Variants in GSK3B observed in about 807,000 individuals in gnomAD.
GSK3B encodes glycogen synthase kinase-3 beta.
In GSK3B, 15 loss-of-function variants were observed where a neutral mutation model predicts 56.4. The ratio of observed to expected loss-of-function variants is 0.27; its 90% confidence interval spans 0.18 to 0.41. GSK3B has a LOEUF of 0.41. Among genes scored for constraint, GSK3B ranks in the 10% least tolerant of loss-of-function variants. The pLI, the probability that GSK3B is intolerant of heterozygous loss-of-function variation, is 1.00. For synonymous variants in GSK3B, 181 were observed against 188.9 expected, an observed-to-expected ratio of 0.96 and a Z score of 0.34; for missense variants, 300 against 513.4, an observed-to-expected ratio of 0.58 and a Z score of 4.02.
chr3:119,863,199 T>C (rs1316807481), intron 9 of GSK3B, among the ~76,000 whole-genome samples: 2 of 152,206 alleles, frequency 1.3e-5, no homozygotes, highest in Non-Finnish European at 2.9e-5. Flanking sequence ...CTGCTAAAAA[T>C]TAAAGAAGCT....
chr3:119,879,772 G>A (rs189133186), intron 7 of GSK3B, among the ~76,000 whole-genome samples: 3 of 152,192 alleles, frequency 2.0e-5, no homozygotes, highest in Admixed American at 2.0e-4. Context: ...TTAACACAAC[G>A]ACTTCCGGTG....
chr3:119,863,438 G>A lies in GSK3B; in HGVS notation c.1077C>T (p.Leu359=), dbSNP rs746500971. 4 of 1,613,652 alleles carry A rather than the reference G, an allele frequency of 2.5e-6. No homozygotes were observed. Among genetic ancestry groups the A allele is most frequent in the Non-Finnish European group, 3.4e-6 (4 of 1,179,702 alleles). ...KLPNGRDTPA[L]FNFTTQELSS... is the part of the protein sequence containing the mutation. ...AGTTACCTTGAGTGGTGAAGTTGAA[G>A]AGTGCAGGTGTGTCTCGCCCATTTG... The change falls in exon 9 of 11, where the codon CTC becomes CTT. Residue 359 remains leucine, a synonymous_variant. Coordinates refer to ENST00000264235, the MANE Select transcript of GSK3B (RefSeq NM_001146156.2).
At position 120,079,305 on chromosome 3, in the gene GSK3B, T is replaced by TACACAC. The variant is rs61338597; in HGVS notation, c.88+14036_88+14041dup. Reference sequence around the variant, plus strand: ...ATTTTCTACAACCTTGACAGGAAATTACACACACACACACACACACACACA... The same window carrying TACACAC: ...ATTTTCTACAACCTTGACAGGAAATTACACACACACACACACACACACACACACACA... On this transcript the variant is annotated intron_variant, in intron 1 of 10. Transcript: ENST00000264235. Among the ~76,000 whole-genome samples the TACACAC allele has an allele frequency of 3.7e-4, 48 of 128,482 alleles. No individual in the cohort carries two copies. In the East Asian group the frequency reaches 4.9e-3, roughly 13 times the overall value. The allele number at this position is 128,482 out of a possible 152,430, so 84.3% of individuals were successfully genotyped here.
intron 1 of GSK3B, among the ~76,000 whole-genome samples, chr3:120,044,768 C>CT (rs2058089782): frequency 6.6e-6 from 1 of 152,164 alleles, no homozygotes; most frequent in Non-Finnish European, 1.5e-5. Context: ...GCAAGAATGG[C>CT]TTGGAAAAAC....
At chr3:120,048,144 ATAAGG>A (rs1348290352) in intron 1 of GSK3B, among the ~76,000 whole-genome samples, 1 of 152,250 alleles carries the variant, frequency 6.6e-6, no homozygotes, top group East Asian at 1.9e-4. Flanking sequence ...CTGGCTACAG[ATAAGG>A]TAAAAGAAAA....
intron 2 of GSK3B, among the ~76,000 whole-genome samples, chr3:119,995,152 ACT>A (rs2057602348): frequency 6.7e-6 from 1 of 149,370 alleles, no homozygotes; most frequent in African/African-American, 2.5e-5. Context: ...ACAGGGAGAC[ACT>A]GTCTCTACAA....
intron 1 of GSK3B, among the ~76,000 whole-genome samples, chr3:120,074,035 C>T (rs334533): frequency 0.53 from 80,246 of 152,048 alleles, 24,642 homozygotes; most frequent in African/African-American, 0.86. Context: ...CCAGGTGCCG[C>T]TGCTCACGAC....
chr3:119,944,036 A>T (rs532320466), intron 3 of GSK3B, among the ~76,000 whole-genome samples: 220 of 152,274 alleles, frequency 1.4e-3, no homozygotes, highest in Non-Finnish European at 1.5e-3. Flanking sequence ...AAAGTCAGAG[A>T]TGTTATAGAG....
At chr3:120,085,311 C>T (rs1040359461) in intron 1 of GSK3B, among the ~76,000 whole-genome samples, 2 of 152,122 alleles carry the variant, frequency 1.3e-5, no homozygotes, top group Non-Finnish European at 1.5e-5. Context: ...AAAGCTTCCC[C>T]CTTTCCTTCA....
At chr3:119,933,172 C>CTTT (rs2056963588) in intron 3 of GSK3B, among the ~76,000 whole-genome samples, 1 of 152,044 alleles carries the variant, frequency 6.6e-6, no homozygotes, top group African/African-American at 2.4e-5. Flanking sequence ...AAATGCTCAG[C>CTTT]CTCACTCATA....
chr3:119,831,651 C>T (rs905775020), intron 10 of GSK3B, among the ~76,000 whole-genome samples: 16 of 144,816 alleles, frequency 1.1e-4, no homozygotes, highest in Non-Finnish European at 1.8e-4. Context: ...AGCGAGACTC[C>T]GTCTCAAAAA....
rs536396615 is a variant in GSK3B, at chr3:119,937,806, CAG to C, written c.366+9460_366+9461del. Among the ~76,000 whole-genome samples the C allele has an allele frequency of 1.6e-3, 241 of 151,108 alleles. 3 individuals carry two copies. Among genetic ancestry groups the C allele is most frequent in the African/African-American group, 5.6e-3 (231 of 41,056 alleles). On this transcript the variant is annotated intron_variant, in intron 3 of 10. Coordinates refer to ENST00000264235, the MANE Select transcript of GSK3B (RefSeq NM_001146156.2). ...AATAAAACAGAGAACAGAAAAAAAACAGAATCAACAAAACTAAAAGTTTTTTT... is the reference window on the plus strand; with the variant it reads ...AATAAAACAGAGAACAGAAAAAAAACAATCAACAAAACTAAAAGTTTTTTT...
At position 119,853,611 on chromosome 3, in the gene GSK3B, T is replaced by C. The variant is rs542107433; in HGVS notation, c.1096+9808A>G. On this transcript the variant is annotated intron_variant, in intron 9 of 10. Transcript: ENST00000264235. The stretch of plus-strand genomic sequence containing the variant: ...TTTTATTTCGTTGAGCAGTGGTTTG[T>C]AGTTCTCCTTGACGAGGTCCTTCAC... Among the ~76,000 whole-genome samples, 4 of 152,342 alleles carry C rather than the reference T, an allele frequency of 2.6e-5. No individual in the cohort carries two copies. In the East Asian group the frequency reaches 7.7e-4, roughly 29 times the overall value.
At chr3:119,954,735 C>T (rs969971837) in intron 2 of GSK3B, among the ~76,000 whole-genome samples, 3 of 152,090 alleles carry the variant, frequency 2.0e-5, no homozygotes, top group African/African-American at 7.2e-5. Context: ...CTAGAGTAGA[C>T]ATGGAGGCTT....
intron 2 of GSK3B, among the ~76,000 whole-genome samples, chr3:119,972,178 A>G (rs946438290): frequency 9.2e-5 from 14 of 152,230 alleles, no homozygotes; most frequent in African/African-American, 3.4e-4. Flanking sequence ...AGAGCTAATA[A>G]CATTTTACCT....
At chr3:119,880,771 G>A (rs188015852) in intron 7 of GSK3B, among the ~76,000 whole-genome samples, 46 of 152,306 alleles carry the variant, frequency 3.0e-4, no homozygotes, top group African/African-American at 1.1e-3. Flanking sequence ...CTGGGGATAT[G>A]TGCATGTGTA....
chr3:120,080,328 CGAAGGAAGAAGGAAGAAGGTA>C (rs1320663413), intron 1 of GSK3B, among the ~76,000 whole-genome samples: 1 of 148,616 alleles, frequency 6.7e-6, no homozygotes, highest in Non-Finnish European at 1.5e-5. Context: ...AGAAGGAAGA[CGAAGGAAGAAGGAAGAAGGTA>C]GAAGGAAGAA....
At chr3:119,922,934 T>C (rs2056857577) in intron 4 of GSK3B, among the ~76,000 whole-genome samples, 1 of 152,162 alleles carries the variant, frequency 6.6e-6, no homozygotes, top group Non-Finnish European at 1.5e-5. Flanking sequence ...TATTTAAAAT[T>C]GCCAACAGTT....
At chr3:120,081,894 T>G (rs1460498220) in intron 1 of GSK3B, among the ~76,000 whole-genome samples, 1 of 152,126 alleles carries the variant, frequency 6.6e-6, no homozygotes, top group African/African-American at 2.4e-5. Flanking sequence ...TTTCATGCCT[T>G]GAGATAAGCA....
Sources: allele counts gnomAD v4.1 joint callset (sites outside exome capture counted in the v4.1 genomes callset), GRCh38; gene constraint gnomAD v4.1.1; transcripts MANE v1.5; gene names NCBI Gene and HGNC (gene_info 2026-07-23, HGNC 2026-07-21).